The following TNR variants were observed in gnomAD, a reference collection of about 807,000 sequenced individuals.
TNR encodes tenascin R, also known as tenascin-R.
TNR carries 45 observed loss-of-function variants against 150.4 expected under a neutral mutation model. The observed-to-expected ratio is 0.30, with a 90% CI of 0.24 to 0.38. The LOEUF is 0.38. Among genes scored for constraint, TNR ranks in the 10% least tolerant of loss-of-function variants. TNR has a pLI of 1.00. For synonymous variants in TNR, 687 were observed against 678.4 expected, an observed-to-expected ratio of 1.01 and a Z score of -0.20; for missense variants, 1,544 against 1,759.1, an observed-to-expected ratio of 0.88 and a Z score of 2.19.
intron 1 of TNR, among the ~76,000 whole-genome samples, chr1:175,537,151 C>A (rs561057884): frequency 2.6e-5 from 4 of 152,280 alleles, no homozygotes; most frequent in African/African-American, 9.6e-5. Context: ...GAAGGGCACC[C>A]CTTGGAGAGC....
In TNR at chr1:175,335,584, C is replaced by T. The variant is rs542658328; in HGVS notation, c.3631+127G>A. ...TAAACAGAGCAAGAGGTTCTGAAAG[C>T]AATTCAGGAGCTGTTAGCTTCTCAA... On this transcript the variant is annotated intron_variant, in intron 20 of 22. Transcript: ENST00000367674. The T allele has an allele frequency of 1.2e-5, 10 of 859,278 alleles. No individual in the cohort carries two copies. In the African/African-American group the frequency reaches 1.4e-4, roughly 12 times the overall value. The allele number at this position is 859,278 out of a possible 1,614,324, so 53.2% of individuals were successfully genotyped here. A position where few individuals can be genotyped will look rare whatever the true frequency, so the allele number is the denominator to read the frequency against.
intron 14 of TNR, among the ~76,000 whole-genome samples, chr1:175,361,060 AG>A (rs1429935474): frequency 6.6e-6 from 1 of 152,144 alleles, no homozygotes. Flanking sequence ...TCATGACCCA[AG>A]GATTTTTTTT....
intron 1 of TNR, among the ~76,000 whole-genome samples, chr1:175,554,878 C>T (rs543992802): frequency 1.3e-5 from 2 of 152,318 alleles, no homozygotes; most frequent in East Asian, 3.9e-4. Context: ...TCATCTTATT[C>T]ACCCTCTCAT....
intron 1 of TNR, among the ~76,000 whole-genome samples, chr1:175,638,786 C>T (rs899907690): frequency 2.6e-5 from 4 of 152,278 alleles, no homozygotes; most frequent in East Asian, 1.9e-4. Context: ...TGCCCTGTGG[C>T]ATAATTTAAC....
chr1:175,368,931 A>G (rs1651960718), intron 9 of TNR, among the ~76,000 whole-genome samples: 1 of 152,218 alleles, frequency 6.6e-6, no homozygotes, highest in South Asian at 2.1e-4. Flanking sequence ...CCTGGGTGAC[A>G]GAGTGAGACT....
chr1:175,574,445 A>G (rs1662020808), intron 1 of TNR, among the ~76,000 whole-genome samples: 1 of 152,050 alleles, frequency 6.6e-6, no homozygotes, highest in African/African-American at 2.4e-5. Context: ...GAATCACACC[A>G]TTTCCTCAGG....
intron 1 of TNR, among the ~76,000 whole-genome samples, chr1:175,610,756 A>G (rs998311254): frequency 7.2e-5 from 11 of 152,236 alleles, no homozygotes; most frequent in African/African-American, 2.7e-4. Flanking sequence ...TCTTTCTAAT[A>G]AAACCTCTCC....
At chr1:175,396,166 G>A (rs1653417018) in intron 5 of TNR, among the ~76,000 whole-genome samples, 1 of 152,152 alleles carries the variant, frequency 6.6e-6, no homozygotes, top group South Asian at 2.1e-4. Flanking sequence ...TTTAGCACTT[G>A]CTTCTTAGAG....
chr1:175,593,103 A>T (rs953617528), intron 1 of TNR, among the ~76,000 whole-genome samples: 1 of 152,202 alleles, frequency 6.6e-6, no homozygotes, highest in Non-Finnish European at 1.5e-5. Context: ...GAGAATCAAT[A>T]GTGGCAGAAT....
Position 175,396,769 on chromosome 1 carries a change from C to T in TNR, c.1015G>A (p.Asp339Asn), listed in dbSNP as rs773179482. 9.3e-6 allele frequency: 15 copies of T among 1,613,926 alleles called. No individual in the cohort carries two copies. In the Admixed American group the frequency reaches 1.2e-4, roughly 13 times the overall value. Residue 339 changes from aspartate to asparagine, a missense_variant, in exon 5 of 23, where the codon GAC (aspartate) becomes AAC (asparagine). Asp to Asn is a conservative substitution (Grantham distance 23). This residue lies in a region of TNR where 1,254 missense variants were observed against 1,329.4 expected (regional missense o/e 0.94). Transcript: ENST00000367674. Reference sequence around the variant, plus strand: ...TCCCATTCCAGCTCAATGGACCTGTCGCTGATACCAGCCACTCGCAAGTCC... The same window carrying T: ...TCCCATTCCAGCTCAATGGACCTGTTGCTGATACCAGCCACTCGCAAGTCC... ...PEDLRVAGIS[D>N]RSIELEWDGP...
At chr1:175,719,262 C>T (rs1043736042) in intron 1 of TNR, among the ~76,000 whole-genome samples, 38 of 152,118 alleles carry the variant, frequency 2.5e-4, no homozygotes, top group Non-Finnish European at 3.2e-4. Flanking sequence ...ACAGGGGTGT[C>T]GGGATATTGG....
At chr1:175,705,443 A>G (rs1466493483) in intron 1 of TNR, among the ~76,000 whole-genome samples, 2 of 152,220 alleles carry the variant, frequency 1.3e-5, no homozygotes, top group Non-Finnish European at 2.9e-5. Flanking sequence ...TGTTCTCTAC[A>G]TTGAAGATTG....
intron 1 of TNR, among the ~76,000 whole-genome samples, chr1:175,731,454 C>G (rs533580503): frequency 6.6e-6 from 1 of 152,224 alleles, no homozygotes; most frequent in East Asian, 1.9e-4. Flanking sequence ...AAAGCACAAA[C>G]AAAATGCAGG....
intron 2 of TNR, among the ~76,000 whole-genome samples, chr1:175,442,340 T>C (rs943507391): frequency 6.6e-6 from 1 of 151,950 alleles, no homozygotes; most frequent in Non-Finnish European, 1.5e-5. Context: ...ATCACAAAAG[T>C]GGTAGGGGGC....
intron 2 of TNR, among the ~76,000 whole-genome samples, chr1:175,521,215 C>T (rs1389762242): frequency 2.6e-5 from 4 of 152,116 alleles, no homozygotes. Context: ...ATATATTGTC[C>T]TTACTTTACC....
intron 2 of TNR, among the ~76,000 whole-genome samples, chr1:175,501,328 C>A (rs1475915430): frequency 6.6e-6 from 1 of 152,178 alleles, no homozygotes; most frequent in East Asian, 1.9e-4. Context: ...TAGCTAGGAC[C>A]TAGGGGTGAG....
At chr1:175,591,859 G>C (rs10913024) in intron 1 of TNR, among the ~76,000 whole-genome samples, 23,980 of 152,088 alleles carry the variant, frequency 0.16, 2,828 homozygotes, top group African/African-American at 0.33. Flanking sequence ...TGTGGAAGTG[G>C]GAGTTTTAAA....
chr1:175,593,820 A>G (rs56849831), intron 1 of TNR, among the ~76,000 whole-genome samples: 212 of 152,248 alleles, frequency 1.4e-3, no homozygotes, highest in African/African-American at 4.9e-3. Flanking sequence ...AAATATTCTC[A>G]AGTTTCCCTC....
intron 1 of TNR, among the ~76,000 whole-genome samples, chr1:175,699,323 A>T (rs1666618561): frequency 6.6e-6 from 1 of 152,204 alleles, no homozygotes; most frequent in Admixed American, 6.5e-5. Context: ...TGGACAGGAA[A>T]GATAGTGTGG....
Sources: allele counts gnomAD v4.1 joint callset (sites outside exome capture counted in the v4.1 genomes callset), GRCh38; gene constraint gnomAD v4.1.1; regional missense constraint gnomAD v4.1.1; transcripts MANE v1.5; gene names NCBI Gene and HGNC (gene_info 2026-07-23, HGNC 2026-07-21).